RALYL: variants seen among roughly 807,000 people sequenced by gnomAD.
The protein encoded by RALYL is RNA-binding Raly-like protein.
In RALYL, 29 loss-of-function variants were observed where a neutral mutation model predicts 35.1. That is an observed-to-expected ratio of 0.83 (90% confidence interval 0.61 to 1.13). RALYL has a LOEUF of 1.13. Among genes scored for constraint, RALYL ranks in the 50% most tolerant of loss-of-function variants. The pLI is 0.00. For missense variants in RALYL, 359 were observed against 360.4 expected (o/e 1.00, Z 0.03); for synonymous variants, 120 against 127.6 (o/e 0.94, Z 0.40).
chr8:84,882,695 C>T (rs1031727166), intron 7 of RALYL, among the ~76,000 whole-genome samples: 3 of 151,742 alleles, frequency 2.0e-5, no homozygotes, highest in African/African-American at 7.3e-5. Flanking sequence ...GTTTCTGACC[C>T]AAAGAAGCTT....
chr8:84,683,650 C>A (rs1285710226), intron 2 of RALYL, among the ~76,000 whole-genome samples: 1 of 151,956 alleles, frequency 6.6e-6, no homozygotes. Flanking sequence ...TGTGTAGAAG[C>A]TAGGTTTTTT....
At chr8:84,454,247 A>G (rs1223773503) in intron 1 of RALYL, among the ~76,000 whole-genome samples, 1 of 151,864 alleles carries the variant, frequency 6.6e-6, no homozygotes. Context: ...GAGATGTAAG[A>G]TGGGGGAAGT....
intron 1 of RALYL, among the ~76,000 whole-genome samples, chr8:84,204,595 G>A (rs768273193): frequency 2.0e-5 from 3 of 152,014 alleles, no homozygotes; most frequent in Non-Finnish European, 4.4e-5. Context: ...TCTTGTTGTT[G>A]TTTCTACAAA....
At chr8:84,851,202 G>A (rs1250645582) in intron 5 of RALYL, among the ~76,000 whole-genome samples, 1 of 152,148 alleles carries the variant, frequency 6.6e-6, no homozygotes, top group African/African-American at 2.4e-5. Context: ...AAACAAGTGA[G>A]TGAAGTGAAT....
chr8:84,783,939 C>T (rs1818779845), intron 3 of RALYL, among the ~76,000 whole-genome samples: 1 of 152,196 alleles, frequency 6.6e-6, no homozygotes, highest in South Asian at 2.1e-4. Context: ...AGCTAGGGCT[C>T]AGGTTCAGGT....
At chr8:84,735,901 GAA>G (rs1222552770) in intron 2 of RALYL, among the ~76,000 whole-genome samples, 3 of 151,384 alleles carry the variant, frequency 2.0e-5, no homozygotes, top group Admixed American at 2.0e-4. Flanking sequence ...CTCAGACACA[GAA>G]ATTTTTATTT....
At chr8:84,201,712 G>T (rs77265771) in intron 1 of RALYL, among the ~76,000 whole-genome samples, 1 of 151,876 alleles carries the variant, frequency 6.6e-6, no homozygotes, top group African/African-American at 2.4e-5. Flanking sequence ...GCAGGTGTGT[G>T]CCACCATGAC....
chr8:84,622,456 T>C (rs1484835532), intron 2 of RALYL, among the ~76,000 whole-genome samples: 1 of 152,218 alleles, frequency 6.6e-6, no homozygotes, highest in Non-Finnish European at 1.5e-5. Context: ...GAATCTTATC[T>C]GAGCCACTAA....
chr8:84,909,209 TA>T (rs1334616169), intron 8 of RALYL, among the ~76,000 whole-genome samples: 1 of 152,160 alleles, frequency 6.6e-6, no homozygotes, highest in Non-Finnish European at 1.5e-5. Flanking sequence ...AAAGAACACT[TA>T]AAGTCATAAA....
intron 1 of RALYL, among the ~76,000 whole-genome samples, chr8:84,458,852 C>T (rs2050427630): frequency 6.6e-6 from 1 of 151,490 alleles, no homozygotes; most frequent in Non-Finnish European, 1.5e-5. Context: ...ATTTCTAAAG[C>T]CATCTTATAT....
intron 1 of RALYL, among the ~76,000 whole-genome samples, chr8:84,467,940 G>T (rs1331070225): frequency 5.1e-5 from 7 of 138,188 alleles, no homozygotes; most frequent in African/African-American, 1.9e-4. Flanking sequence ...TTTAAAGTCT[G>T]TTTTATCAGA....
At chr8:84,354,495 C>T (rs1851472721) in intron 1 of RALYL, among the ~76,000 whole-genome samples, 1 of 150,492 alleles carries the variant, frequency 6.6e-6, no homozygotes, top group Non-Finnish European at 1.5e-5. Context: ...AGACAACTCT[C>T]CACAGCTCTA....
At chr8:84,573,954 T>C (rs1808692094) in intron 2 of RALYL, among the ~76,000 whole-genome samples, 1 of 151,966 alleles carries the variant, frequency 6.6e-6, no homozygotes, top group African/African-American at 2.4e-5. Flanking sequence ...GCTCTTTCAT[T>C]TCTTTCTAAG....
chr8:84,809,738 A>C (rs1253322407), intron 4 of RALYL, among the ~76,000 whole-genome samples: 2 of 152,086 alleles, frequency 1.3e-5, no homozygotes, highest in African/African-American at 4.8e-5. Context: ...GAATTTATCC[A>C]TCTGTTCTAG....
At chr8:84,746,701 C>A (rs1324192110) in intron 2 of RALYL, among the ~76,000 whole-genome samples, 1 of 151,906 alleles carries the variant, frequency 6.6e-6, no homozygotes, top group Non-Finnish European at 1.5e-5. Context: ...CAACATGAAA[C>A]TAGCCCCATG....
At chr8:84,423,493 C>T (rs935628452) in intron 1 of RALYL, among the ~76,000 whole-genome samples, 1 of 152,102 alleles carries the variant, frequency 6.6e-6, no homozygotes, top group African/African-American at 2.4e-5. Flanking sequence ...TGGATCTTGA[C>T]TCTTTATCCA....
chr8:84,317,365 G>T (rs1276065113), intron 1 of RALYL, among the ~76,000 whole-genome samples: 1 of 152,136 alleles, frequency 6.6e-6, no homozygotes, highest in African/African-American at 2.4e-5. Context: ...ACTGCATACA[G>T]ATTTTTACCA....
intron 1 of RALYL, among the ~76,000 whole-genome samples, chr8:84,450,099 ATATAAT>A (rs1407611748): frequency 1.3e-5 from 2 of 151,864 alleles, no homozygotes; most frequent in Non-Finnish European, 2.9e-5. Context: ...TAATTTTTAC[ATATAAT>A]TAAAATTTAT....
intron 1 of RALYL, among the ~76,000 whole-genome samples, chr8:84,390,492 A>G (rs937430213): frequency 6.6e-5 from 10 of 151,924 alleles, no homozygotes; most frequent in Admixed American, 6.6e-4. Flanking sequence ...TTTGTTGGTA[A>G]GGTATTGATT....
Sources: allele counts gnomAD v4.1 joint callset (sites outside exome capture counted in the v4.1 genomes callset), GRCh38; gene constraint gnomAD v4.1.1; transcripts MANE v1.5; gene names NCBI Gene and HGNC (gene_info 2026-07-23, HGNC 2026-07-21).